Variants in NRXN2 observed in about 807,000 individuals in gnomAD.
The protein encoded by NRXN2 is neurexin 2, also known as neurexin-2-beta.
A neutral mutation model predicts 128.8 loss-of-function variants in NRXN2; 29 were observed. That is an observed-to-expected ratio of 0.23 (90% confidence interval 0.17 to 0.31). The LOEUF is 0.31. NRXN2 is among the 10% of genes least tolerant of loss of function. The pLI is 1.00. For missense variants in NRXN2, 1,881 were observed against 2,452.6 expected (o/e 0.77, Z 4.92); for synonymous variants, 1,098 against 1,075.2 (o/e 1.02, Z -0.41).
chr11:64,683,692 T>C (rs2052627688), intron 6 of NRXN2, among the ~76,000 whole-genome samples: 1 of 151,452 alleles, frequency 6.6e-6, no homozygotes, highest in African/African-American at 2.4e-5. Context: ...TCAACCAAAG[T>C]CTTTAAGCAG....
chr11:64,606,920 T>C lies in NRXN2; in HGVS notation c.*276A>G, dbSNP rs2039719012. ...AAATAAAACTACCCCCTTAAAAAAA[T>C]AAATCAACCCAGGGCTGTGAGCACG... On this transcript the variant is annotated 3_prime_UTR_variant, in exon 23 of 23. Coordinates refer to ENST00000265459, the MANE Select transcript of NRXN2 (RefSeq NM_015080.4). 1 of 420,954 alleles carries C rather than the reference T, an allele frequency of 2.4e-6. No individual in the cohort carries two copies. The allele number at this position is 420,954 out of a possible 1,614,324, so 26.1% of individuals were successfully genotyped here.
In NRXN2 at chr11:64,648,066, C is replaced by T. The variant is rs991269144; in HGVS notation, c.3403+153G>A. On this transcript the variant is annotated intron_variant, in intron 17 of 22. Coordinates refer to ENST00000265459, the MANE Select transcript of NRXN2 (RefSeq NM_015080.4). This position sits in a 1 kb window ranked among gnomAD's most constrained non-coding sequence, Gnocchi z 4.1. ...GACCCTATGAGGGGACAGCAGGCCA[C>T]AGCTCCCCTGGGACTCTGCAGACAA... Among the ~76,000 whole-genome samples, 4 of 152,212 alleles carry T rather than the reference C, an allele frequency of 2.6e-5. No homozygotes were observed. The highest frequency in any genetic ancestry group is 4.4e-5 in the Non-Finnish European group (3 of 68,038).
At chr11:64,709,222 T>G (rs1373979712) in intron 2 of NRXN2, among the ~76,000 whole-genome samples, 2 of 147,620 alleles carry the variant, frequency 1.4e-5, no homozygotes, top group African/African-American at 5.0e-5. Flanking sequence ...AAGTCCTCAG[T>G]CTCAGAAAGA....
At chr11:64,624,930 C>T (rs1048609460) in intron 20 of NRXN2, among the ~76,000 whole-genome samples, 2 of 152,198 alleles carry the variant, frequency 1.3e-5, no homozygotes, top group Non-Finnish European at 1.5e-5. Context: ...TGTTTCTTTC[C>T]TCTCACCCTC....
In NRXN2 at chr11:64,692,888, G is replaced by A. The variant is rs1325281697; in HGVS notation, c.749-12C>T. The A allele has an allele frequency of 6.2e-7, 1 of 1,608,390 alleles. No homozygotes were observed. Among genetic ancestry groups the A allele is most frequent in the Admixed American group, 1.7e-5 (1 of 59,902 alleles). On this transcript the variant is annotated splice_polypyrimidine_tract_variant and intron_variant, in intron 3 of 22. Transcript: ENST00000265459. ...CAGGTGAGCCGGACCTTGGAAAGGG[G>A]AAGGAGAGAAAGAAAGAAAGAAAAA...
rs187015415 is a variant in NRXN2, at chr11:64,633,361, A to T, written c.3585+1910T>A. 2.6e-5 allele frequency among the ~76,000 whole-genome samples: 4 copies of T among 152,310 alleles called. No individual in the cohort carries two copies. The East Asian group carries it at 7.7e-4, about 29-fold the overall frequency. ...ACAGCATGCTCCCTACGTTCTTCACATAAGTGATCTCCTTCAACCTCCAAA... is the reference window on the plus strand; with the variant it reads ...ACAGCATGCTCCCTACGTTCTTCACTTAAGTGATCTCCTTCAACCTCCAAA... On this transcript the variant is annotated intron_variant, in intron 18 of 22. Coordinates refer to ENST00000265459, the MANE Select transcript of NRXN2 (RefSeq NM_015080.4).
In NRXN2 at chr11:64,648,072, C is replaced by T; in HGVS notation, c.3403+147G>A. 1 of 1,172,156 alleles carries T rather than the reference C, an allele frequency of 8.5e-7. No homozygotes were observed. The highest frequency in any genetic ancestry group is 1.8e-5 in the Admixed American group (1 of 54,894). The allele number at this position is 1,172,156 out of a possible 1,614,324, so 72.6% of individuals were successfully genotyped here. On this transcript the variant is annotated intron_variant, in intron 17 of 22. Coordinates refer to ENST00000265459, the MANE Select transcript of NRXN2 (RefSeq NM_015080.4). This position sits in a 1 kb window ranked among gnomAD's most constrained non-coding sequence, Gnocchi z 4.1. Reference sequence around the variant, plus strand: ...ATGAGGGGACAGCAGGCCACAGCTCCCCTGGGACTCTGCAGACAAGGGATG... The same window carrying T: ...ATGAGGGGACAGCAGGCCACAGCTCTCCTGGGACTCTGCAGACAAGGGATG...
At chr11:64,655,231 G>A (rs866492559) in intron 11 of NRXN2, among the ~76,000 whole-genome samples, 2 of 152,246 alleles carry the variant, frequency 1.3e-5, no homozygotes, top group Admixed American at 1.3e-4. Flanking sequence ...CGCAGCAGAA[G>A]AGTGGAGGCG....
intron 7 of NRXN2, among the ~76,000 whole-genome samples, chr11:64,669,879 C>A (rs1379786326): frequency 1.3e-5 from 2 of 152,204 alleles, no homozygotes; most frequent in African/African-American, 4.8e-5. Context: ...CTTCTGCAGG[C>A]CACAGCTCAC....
intron 2 of NRXN2, among the ~76,000 whole-genome samples, chr11:64,712,363 T>C (rs1303650645): frequency 6.7e-6 from 1 of 150,344 alleles, no homozygotes; most frequent in East Asian, 2.0e-4. Flanking sequence ...TCCTGCTCCC[T>C]GTTTCATAGG....
chr11:64,614,741 C>T (rs879797613), intron 22 of NRXN2, among the ~76,000 whole-genome samples: 1 of 152,266 alleles, frequency 6.6e-6, no homozygotes, highest in Non-Finnish European at 1.5e-5. Context: ...CCACAGTATG[C>T]TGGGTGTGTA....
At chr11:64,617,228 G>T (rs141402768) in intron 22 of NRXN2, among the ~76,000 whole-genome samples, 295 of 152,162 alleles carry the variant, frequency 1.9e-3, no homozygotes, top group African/African-American at 6.4e-3. Context: ...GTATGTAAAT[G>T]TATGTATGTG....
intron 12 of NRXN2, 51 bp downstream of exon 12, chr11:64,653,645 C>G (rs1332291391): frequency 4.1e-5 from 63 of 1,549,902 alleles, no homozygotes; most frequent in Non-Finnish European, 5.3e-5. Context: ...TCCCAGCGTC[C>G]AGCATCCCAG....
intron 6 of NRXN2, 49 bp from the exon 7 acceptor site, chr11:64,677,086 A>G (rs748532511): frequency 7.9e-7 from 1 of 1,258,690 alleles, no homozygotes; most frequent in Non-Finnish European, 1.2e-6. Context: ...GTCAAAAAAC[A>G]ACAACAAACA....
At chr11:64,675,488 AG>A (rs1233646673) in intron 7 of NRXN2, 2 of 152,370 alleles carry the variant, frequency 1.3e-5, no homozygotes, top group Non-Finnish European at 2.9e-5. Flanking sequence ...GAGGCTGGGC[AG>A]GCCAGGCAGC....
At position 64,607,974 on chromosome 11, in the gene NRXN2, G is replaced by C. The variant is rs751162148; in HGVS notation, c.4361C>G (p.Thr1454Arg). ...PPPPTFYPFL[T>R]GVGATQDTLP... ...CGTGTCTTGGGTGGCGCCCACTCCCGTGAGGAAGGGGTAGAAGGTAGGGGG... is the reference window on the plus strand; with the variant it reads ...CGTGTCTTGGGTGGCGCCCACTCCCCTGAGGAAGGGGTAGAAGGTAGGGGG... Residue 1454 changes from threonine (T) to arginine (R), a missense_variant, in exon 23 of 23, where the codon ACG (threonine) becomes AGG (arginine). By Grantham distance (71) the Thr-to-Arg change is moderately conservative (BLOSUM62 -1). Coordinates refer to ENST00000265459, the MANE Select transcript of NRXN2 (RefSeq NM_015080.4). 64 of 1,537,796 alleles carry C rather than the reference G, an allele frequency of 4.2e-5. 1 individual carries two copies. The highest frequency in any genetic ancestry group is 7.1e-5 in the South Asian group (6 of 84,244).
intron 7 of NRXN2, among the ~76,000 whole-genome samples, chr11:64,671,702 G>A (rs1486440055): frequency 6.6e-6 from 1 of 152,134 alleles, no homozygotes; most frequent in Admixed American, 6.5e-5. Flanking sequence ...CAGAGATGGA[G>A]GCAACAGAGC....
rs2044026599 is a variant in NRXN2, at chr11:64,632,285, A to G, written c.3586-1712T>C. On this transcript the variant is annotated intron_variant, in intron 18 of 22. Coordinates refer to ENST00000265459, the MANE Select transcript of NRXN2 (RefSeq NM_015080.4). The surrounding 1 kb of genome is among the most constrained non-coding windows in gnomAD (Gnocchi z 4.2). Reference sequence around the variant, plus strand: ...TATGCATGCATGCACGCTAACACACAGATGCATGCACACAGTCATACATGC... The same window carrying G: ...TATGCATGCATGCACGCTAACACACGGATGCATGCACACAGTCATACATGC... Among the ~76,000 whole-genome samples the G allele has an allele frequency of 6.6e-6, 1 of 152,166 alleles. No individual in the cohort carries two copies. Among genetic ancestry groups the G allele is most frequent in the South Asian group, 2.1e-4 (1 of 4,830 alleles).
chr11:64,608,191 T>G, intron 22 of NRXN2, 109 bp from the exon 23 acceptor site: 1 of 873,470 alleles, frequency 1.1e-6, no homozygotes, highest in Non-Finnish European at 1.8e-6. Flanking sequence ...TCGGTTCCAA[T>G]TGGCTTTGGC....
Sources: allele counts gnomAD v4.1 joint callset (sites outside exome capture counted in the v4.1 genomes callset), GRCh38; gene constraint gnomAD v4.1.1; non-coding constraint Gnocchi (gnomAD v3.1); transcripts MANE v1.5; gene names NCBI Gene and HGNC (gene_info 2026-07-23, HGNC 2026-07-21).